The following CADPS2 variants were observed in gnomAD, a reference collection of about 807,000 sequenced individuals.
CADPS2 encodes calcium-dependent secretion activator 2.
CADPS2 carries 93 observed loss-of-function variants against 172.5 expected under a neutral mutation model. The observed-to-expected ratio is 0.54, with a 90% CI of 0.46 to 0.64. CADPS2 has a LOEUF of 0.64. Among genes scored for constraint, CADPS2 ranks in the 30% least tolerant of loss-of-function variants. The pLI is 0.00. For synonymous variants in CADPS2, 546 were observed against 555.2 expected (o/e 0.98, Z 0.23); for missense variants, 1,420 against 1,565.9 (o/e 0.91, Z 1.57).
rs368228928 is a variant in CADPS2, at chr7:122,684,077, G to A, written c.454-20508C>T. On this transcript the variant is annotated intron_variant, in intron 2 of 29. Transcript: ENST00000449022. Reference sequence around the variant, plus strand: ...TTTATTTATCTTTATTAAATGTATAGAGAGCTCACATTTATTTCCATGCTA... The same window carrying A: ...TTTATTTATCTTTATTAAATGTATAAAGAGCTCACATTTATTTCCATGCTA... Among the ~76,000 whole-genome samples the A allele has an allele frequency of 7.2e-5, 11 of 152,164 alleles. No homozygotes were observed. The East Asian group carries it at 2.1e-3, about 29-fold the overall frequency.
intron 1 of CADPS2, among the ~76,000 whole-genome samples, chr7:122,797,924 C>A (rs1589260224): frequency 6.6e-6 from 1 of 151,642 alleles, no homozygotes; most frequent in Admixed American, 6.6e-5. Context: ...TTAACTCATT[C>A]TCTAATTCAT....
chr7:122,832,347 A>C (rs531397464), intron 1 of CADPS2, among the ~76,000 whole-genome samples: 1 of 151,590 alleles, frequency 6.6e-6, no homozygotes, highest in Admixed American at 6.6e-5. Context: ...ACACAATAGT[A>C]AGTAAAACTT....
intron 2 of CADPS2, among the ~76,000 whole-genome samples, chr7:122,723,068 A>G (rs2090649339): frequency 6.6e-6 from 1 of 152,196 alleles, no homozygotes; most frequent in Non-Finnish European, 1.5e-5. Context: ...ACTTAAAACC[A>G]TAAAAACCCT....
chr7:122,856,892 A>G (rs1815401752), intron 1 of CADPS2, among the ~76,000 whole-genome samples: 1 of 152,214 alleles, frequency 6.6e-6, no homozygotes. Flanking sequence ...AGTACTATAT[A>G]TATCAGCTCA....
intron 19 of CADPS2, among the ~76,000 whole-genome samples, chr7:122,410,247 G>A (rs2151695126): frequency 6.6e-6 from 1 of 152,178 alleles, no homozygotes; most frequent in South Asian, 2.1e-4. Flanking sequence ...AGGAGGCTGA[G>A]ATAGGAGAAT....
intron 2 of CADPS2, among the ~76,000 whole-genome samples, chr7:122,715,799 G>A (rs2089510343): frequency 6.6e-6 from 1 of 151,792 alleles, no homozygotes; most frequent in Admixed American, 6.6e-5. Flanking sequence ...CCCCTAGTAA[G>A]GTACTACCAA....
chr7:122,711,347 T>G (rs2088683398), intron 2 of CADPS2, among the ~76,000 whole-genome samples: 1 of 152,142 alleles, frequency 6.6e-6, no homozygotes, highest in Non-Finnish European at 1.5e-5. Context: ...TATAGCTATA[T>G]CTCTCAAGAT....
intron 1 of CADPS2, among the ~76,000 whole-genome samples, chr7:122,818,622 C>T (rs1043722748): frequency 2.0e-5 from 3 of 152,130 alleles, no homozygotes; most frequent in African/African-American, 7.2e-5. Flanking sequence ...CGAGCTAGGT[C>T]CCAATTCTTC....
chr7:122,496,755 A>G (rs963786505), intron 9 of CADPS2, among the ~76,000 whole-genome samples: 1 of 152,130 alleles, frequency 6.6e-6, no homozygotes, highest in Non-Finnish European at 1.5e-5. Context: ...TTAACACATG[A>G]CTAGTTTTTT....
intron 6 of CADPS2, among the ~76,000 whole-genome samples, chr7:122,597,499 T>C (rs565676859): frequency 3.9e-5 from 6 of 152,080 alleles, no homozygotes; most frequent in African/African-American, 7.2e-5. Context: ...GTCATCATTG[T>C]GTGTATGCCC....
chr7:122,527,617 A>AGAGAGTGTGTGT, intron 8 of CADPS2, among the ~76,000 whole-genome samples: 121 of 83,870 alleles, frequency 1.4e-3, no homozygotes, highest in Non-Finnish European at 2.3e-3. Flanking sequence ...AGAGAGAGAG[A>AGAGAGTGTGTGT]GTGTGTGTGT....
At chr7:122,679,179 C>T (rs1231891357) in intron 2 of CADPS2, among the ~76,000 whole-genome samples, 10 of 143,518 alleles carry the variant, frequency 7.0e-5, no homozygotes, top group Non-Finnish European at 4.5e-5. Context: ...CTCTTATTAC[C>T]GAAAACAGGT....
At chr7:122,705,948 TATATAATA>T (rs2087245569) in intron 2 of CADPS2, among the ~76,000 whole-genome samples, 1 of 474 alleles carries the variant, frequency 2.1e-3, no homozygotes, top group African/African-American at 2.2e-3. Context: ...TATAATATAA[TATATAATA>T]TATATATAAT....
rs1187725170 is a variant in CADPS2, at chr7:122,513,290, C to T, written c.1501G>A (p.Val501Ile). The change falls in exon 9 of 30, where the codon GTT (valine) becomes ATT (isoleucine). Residue 501 changes from valine to isoleucine, a missense_variant. Coordinates refer to ENST00000449022, the MANE Select transcript of CADPS2 (RefSeq NM_017954.11). ...SGYLYALGQK[V>I]WKRWKKRYFV... ...TAACGTTTTTTCCATCTTTTCCAAA[C>T]CTTCTGTCCAAGGGCATACAGATAT... 6.4e-7 allele frequency: 1 copy of T among 1,562,220 alleles called. No individual in the cohort carries two copies. Among genetic ancestry groups the T allele is most frequent in the Non-Finnish European group, 8.7e-7 (1 of 1,151,894 alleles).
At chr7:122,435,818 A>C (rs2050568521) in intron 17 of CADPS2, among the ~76,000 whole-genome samples, 1 of 152,174 alleles carries the variant, frequency 6.6e-6, no homozygotes, top group Non-Finnish European at 1.5e-5. Context: ...ATAGAATATT[A>C]TTCAGCCTTA....
chr7:122,796,493 C>T lies in CADPS2; in HGVS notation c.340-59425G>A, dbSNP rs532431649. ...TACAGGGCTACAGTAACCAAAACAG[C>T]ATGGTGCTGGTATAAAAACAGATAC... On this transcript the variant is annotated intron_variant, in intron 1 of 29. Transcript: ENST00000449022. Among the ~76,000 whole-genome samples the T allele has an allele frequency of 1.1e-4, 17 of 152,278 alleles. No homozygotes were observed. In the East Asian group the frequency reaches 3.1e-3, roughly 28 times the overall value.
intron 29 of CADPS2, 52 bp from the exon 30 acceptor site, chr7:122,320,390 CATAG>C (rs2032161815): frequency 7.1e-7 from 1 of 1,405,310 alleles, no homozygotes; most frequent in African/African-American, 1.4e-5. Flanking sequence ...TATGCGTGTA[CATAG>C]ATATATACTC....
chr7:122,516,313 T>C (rs1216707757), intron 8 of CADPS2, among the ~76,000 whole-genome samples: 1 of 152,130 alleles, frequency 6.6e-6, no homozygotes, highest in African/African-American at 2.4e-5. Flanking sequence ...GGCAGGAGGA[T>C]TGCTTGAGAA....
chr7:122,328,132 G>GAC (rs71159790), intron 28 of CADPS2, among the ~76,000 whole-genome samples: 2,105 of 145,604 alleles, frequency 0.014, 24 homozygotes, highest in African/African-American at 0.032. Flanking sequence ...GTAAAATGCA[G>GAC]ACACACACAC....
Sources: gnomAD v4.1 joint callset for allele counts (sites outside exome capture counted in the v4.1 genomes callset) on GRCh38, gnomAD v4.1.1 for gene constraint, MANE v1.5 for transcripts, NCBI Gene and HGNC (gene_info 2026-07-23, HGNC 2026-07-21) for gene names.